The following DAB1 variants were observed in gnomAD, a reference collection of about 807,000 sequenced individuals.
DAB1 encodes disabled homolog 1.
Under a neutral mutation model 64.6 loss-of-function variants are expected in DAB1, and 15 were observed. The ratio of observed to expected loss-of-function variants is 0.23; its 90% CI spans 0.16 to 0.36. DAB1 has a LOEUF of 0.36. Among genes scored for constraint, DAB1 ranks in the 10% least tolerant of loss-of-function variants. The pLI is 1.00. For synonymous variants in DAB1, 235 were observed against 251.9 expected (o/e 0.93, Z 0.64); for missense variants, 596 against 706.7 (o/e 0.84, Z 1.78).
intron 5 of DAB1, among the ~76,000 whole-genome samples, chr1:57,993,867 T>C (rs192485003): frequency 2.0e-4 from 30 of 152,320 alleles, no homozygotes; most frequent in Admixed American, 2.0e-3. Flanking sequence ...AAGAGGCATT[T>C]AGGCATTCAT....
In DAB1 at chr1:57,928,472, C is replaced by A. The variant is rs138793638; in HGVS notation, n.388-44310G>T. Among the ~76,000 whole-genome samples the A allele has an allele frequency of 2.0e-3, 303 of 152,208 alleles. 1 individual carries two copies. The highest frequency in any genetic ancestry group is 7.0e-3 in the African/African-American group (289 of 41,516). On this transcript the variant is annotated intron_variant and non_coding_transcript_variant, in intron 5 of 20. Coordinates refer to the DAB1 transcript ENST00000485760. ...ATATATCACTGTTACTCAAAGACTA[C>A]GGTTTACATTAGGGCTCATTTTTGG...
intron 1 of DAB1, among the ~76,000 whole-genome samples, chr1:57,414,804 A>T (rs541701412): frequency 6.6e-6 from 1 of 152,342 alleles, no homozygotes; most frequent in African/African-American, 2.4e-5. Context: ...ATCTAAAAAG[A>T]GTGCATGCCC....
intron 1 of DAB1, among the ~76,000 whole-genome samples, chr1:57,399,739 G>A (rs1391973889): frequency 6.6e-6 from 1 of 152,166 alleles, no homozygotes; most frequent in Non-Finnish European, 1.5e-5. Flanking sequence ...AAGCTACACA[G>A]CTTGGACTGA....
intron 5 of DAB1, among the ~76,000 whole-genome samples, chr1:58,126,001 G>C (rs1319347135): frequency 1.3e-5 from 2 of 152,100 alleles, no homozygotes; most frequent in African/African-American, 4.8e-5. Flanking sequence ...CAGGGGAAGG[G>C]AGCAGGCAGG....
intron 4 of DAB1, among the ~76,000 whole-genome samples, chr1:57,076,211 G>T (rs1475491125): frequency 6.6e-6 from 1 of 152,176 alleles, no homozygotes; most frequent in Non-Finnish European, 1.5e-5. Flanking sequence ...GGCCTTGCAG[G>T]TAGTTCCGGA....
rs371277307 is a variant in DAB1, at chr1:58,056,207, G to A, written n.387+94304C>T. The A allele has an allele frequency of 1.4e-4, 210 of 1,521,996 alleles. No homozygotes were observed. In the South Asian group the frequency reaches 1.8e-3, roughly 13 times the overall value. The allele number at this position is 1,521,996 out of a possible 1,614,324, so 94.3% of individuals were successfully genotyped here. The stretch of plus-strand genomic sequence containing the variant: ...CGGGATGGGGGTGTTCGGTCCTTGC[G>A]GGCTTCACGAGATCGATTCCTGACT... On this transcript the variant is annotated intron_variant and non_coding_transcript_variant, in intron 5 of 20. Coordinates refer to the DAB1 transcript ENST00000485760.
chr1:57,878,016 C>T (rs1002260501), intron 1 of DAB1, among the ~76,000 whole-genome samples: 5 of 152,122 alleles, frequency 3.3e-5, no homozygotes, highest in Non-Finnish European at 7.4e-5. Flanking sequence ...TTAGTCTTTT[C>T]GGGTGTCTAT....
intron 5 of DAB1, among the ~76,000 whole-genome samples, chr1:58,113,245 C>T (rs1188514114): frequency 6.6e-6 from 1 of 152,014 alleles, no homozygotes; most frequent in East Asian, 1.9e-4. Flanking sequence ...AGATGATGGG[C>T]AGGATTCTGG....
chr1:58,143,573 C>G (rs1349933263), intron 5 of DAB1, among the ~76,000 whole-genome samples: 7 of 152,128 alleles, frequency 4.6e-5, no homozygotes, highest in African/African-American at 1.4e-4. Context: ...AGGATGGAGG[C>G]TACCACGTTT....
At chr1:58,149,023 C>G (rs1654774050) in intron 5 of DAB1, among the ~76,000 whole-genome samples, 1 of 152,174 alleles carries the variant, frequency 6.6e-6, no homozygotes, top group Admixed American at 6.5e-5. Context: ...AAGGCCTCAG[C>G]TTAAATATCA....
intron 7 of DAB1, among the ~76,000 whole-genome samples, chr1:57,545,844 A>T (rs145560024): frequency 4.0e-4 from 61 of 152,316 alleles, no homozygotes; most frequent in African/African-American, 1.4e-3. Flanking sequence ...TGCCCCTCAA[A>T]TACTTTGTAC....
intron 3 of DAB1, among the ~76,000 whole-genome samples, chr1:58,411,822 C>T (rs530345715): frequency 6.6e-6 from 1 of 152,168 alleles, no homozygotes; most frequent in South Asian, 2.1e-4. Context: ...CCCTAATTTA[C>T]TTTTGCAAAT....
chr1:58,251,750 T>G (rs1317202857), intron 4 of DAB1, among the ~76,000 whole-genome samples: 1 of 152,158 alleles, frequency 6.6e-6, no homozygotes, highest in African/African-American at 2.4e-5. Flanking sequence ...TTTGGAGTTT[T>G]GGGGGTTAGA....
chr1:58,006,841 T>A (rs1240493679), intron 5 of DAB1, among the ~76,000 whole-genome samples: 1 of 152,184 alleles, frequency 6.6e-6, no homozygotes, highest in East Asian at 1.9e-4. Context: ...AAGGGAACAG[T>A]GAATAGTTGC....
chr1:57,739,325 T>C (rs913876806), intron 6 of DAB1, among the ~76,000 whole-genome samples: 8 of 151,896 alleles, frequency 5.3e-5, no homozygotes, highest in Middle Eastern at 3.4e-3. Flanking sequence ...CATTTCTTTC[T>C]GTTACTATCT....
At chr1:57,842,419 T>G (rs1459803154) in intron 1 of DAB1, among the ~76,000 whole-genome samples, 3 of 152,304 alleles carry the variant, frequency 2.0e-5, no homozygotes, top group African/African-American at 7.2e-5. Context: ...CACTTCCACA[T>G]TTTCAAGTAT....
At chr1:57,117,038 A>G (rs1656200537) in intron 4 of DAB1, among the ~76,000 whole-genome samples, 1 of 152,206 alleles carries the variant, frequency 6.6e-6, no homozygotes, top group Non-Finnish European at 1.5e-5. Context: ...ATTTGTACCT[A>G]CATGGAAAAA....
intron 5 of DAB1, among the ~76,000 whole-genome samples, chr1:57,922,652 G>A (rs569505551): frequency 5.1e-4 from 77 of 151,520 alleles, no homozygotes; most frequent in Non-Finnish European, 9.6e-4. Flanking sequence ...TAAAAGATTA[G>A]AAAAGTTTTA....
intron 2 of DAB1, among the ~76,000 whole-genome samples, chr1:57,221,783 C>G (rs1056103208): frequency 2.0e-5 from 3 of 152,060 alleles, no homozygotes; most frequent in African/African-American, 7.2e-5. Flanking sequence ...TTTTTCTGTT[C>G]CTATTGCAAA....
Sources: allele counts gnomAD v4.1 joint callset (sites outside exome capture counted in the v4.1 genomes callset), GRCh38; gene constraint gnomAD v4.1.1; transcripts MANE v1.5; gene names NCBI Gene and HGNC (gene_info 2026-07-23, HGNC 2026-07-21).